Variants in RGS7 observed in about 807,000 individuals in gnomAD.
RGS7 encodes the protein regulator of G protein signaling 7.
In RGS7, 27 loss-of-function variants were observed where a neutral mutation model predicts 81.1. The ratio of observed to expected loss-of-function variants is 0.33; its 90% CI spans 0.25 to 0.46. The LOEUF (loss-of-function observed/expected upper bound fraction) is 0.46, where lower values mean the gene tolerates loss of function less well. Among genes scored for constraint, RGS7 ranks in the 20% least tolerant of loss-of-function variants. RGS7 has a pLI of 1.00. For synonymous variants in RGS7, 208 were observed against 207.7 expected (o/e 1.00, Z -0.01); for missense variants, 396 against 607.4 (o/e 0.65, Z 3.66).
chr1:241,023,737 T>C (rs562032575), intron 3 of RGS7, among the ~76,000 whole-genome samples: 44 of 152,170 alleles, frequency 2.9e-4, no homozygotes, highest in African/African-American at 1.1e-3. Flanking sequence ...GCTTTTCATA[T>C]TGATTGATTG....
At chr1:241,223,865 T>C (rs2075156119) in intron 2 of RGS7, among the ~76,000 whole-genome samples, 1 of 152,032 alleles carries the variant, frequency 6.6e-6, no homozygotes, top group Admixed American at 6.6e-5. Context: ...GCTATTATCA[T>C]GTAGGTGAGT....
intron 2 of RGS7, among the ~76,000 whole-genome samples, chr1:241,118,649 C>T (rs2066034346): frequency 6.6e-6 from 1 of 152,168 alleles, no homozygotes; most frequent in Admixed American, 6.5e-5. Context: ...CTTAAATGTT[C>T]ATCAACAGTT....
chr1:240,785,248 T>G (rs556356797), intron 18 of RGS7, among the ~76,000 whole-genome samples: 4 of 152,336 alleles, frequency 2.6e-5, no homozygotes, highest in African/African-American at 9.6e-5. Context: ...AAGTGGTTCT[T>G]TGGCTGGCCC....
At chr1:241,135,563 T>A (rs1265220276) in intron 2 of RGS7, among the ~76,000 whole-genome samples, 1 of 152,082 alleles carries the variant, frequency 6.6e-6, no homozygotes, top group African/African-American at 2.4e-5. Flanking sequence ...TTTTTGCAAC[T>A]CTTTTTTGAG....
intron 4 of RGS7, among the ~76,000 whole-genome samples, chr1:240,968,507 T>C (rs1442545758): frequency 6.6e-6 from 1 of 151,596 alleles, no homozygotes; most frequent in East Asian, 1.9e-4. Context: ...TCTGGATAAT[T>C]CAAGAGGCCC....
intron 2 of RGS7, among the ~76,000 whole-genome samples, chr1:241,312,238 C>CT (rs1279879984): frequency 6.6e-6 from 1 of 152,194 alleles, no homozygotes; most frequent in Non-Finnish European, 1.5e-5. Context: ...GTGAACAAAA[C>CT]ACAAAAAGGT....
At chr1:240,830,095 G>C (rs1282661211) in intron 9 of RGS7, among the ~76,000 whole-genome samples, 1 of 152,164 alleles carries the variant, frequency 6.6e-6, no homozygotes, top group East Asian at 1.9e-4. Context: ...TCCCATAGAA[G>C]AAGCCCCACA....
At chr1:241,005,720 G>A (rs1312754348) in intron 3 of RGS7, among the ~76,000 whole-genome samples, 1 of 152,032 alleles carries the variant, frequency 6.6e-6, no homozygotes, top group Non-Finnish European at 1.5e-5. Flanking sequence ...ATTTTTAGTA[G>A]AGATGGGGTT....
chr1:241,165,497 G>A (rs1003333758), intron 2 of RGS7, among the ~76,000 whole-genome samples: 2 of 151,836 alleles, frequency 1.3e-5, no homozygotes, highest in Non-Finnish European at 2.9e-5. Flanking sequence ...GGATGAAATT[G>A]GAAATCATCA....
At chr1:241,166,266 G>A (rs140279770) in intron 2 of RGS7, among the ~76,000 whole-genome samples, 3 of 152,280 alleles carry the variant, frequency 2.0e-5, no homozygotes, top group East Asian at 3.9e-4. Flanking sequence ...AGGGAGAAGC[G>A]GCACACAGCA....
chr1:241,298,560 T>C (rs2079555495), intron 2 of RGS7, among the ~76,000 whole-genome samples: 1 of 152,184 alleles, frequency 6.6e-6, no homozygotes, highest in African/African-American at 2.4e-5. Context: ...CTTCTACCAT[T>C]GCTTCATTGA....
At chr1:241,012,810 C>G (rs2059023132) in intron 3 of RGS7, among the ~76,000 whole-genome samples, 1 of 152,146 alleles carries the variant, frequency 6.6e-6, no homozygotes, top group Non-Finnish European at 1.5e-5. Context: ...TAAAAGGAGA[C>G]TAAAAGTCTG....
chr1:241,197,831 CA>C (rs55756508), intron 2 of RGS7, among the ~76,000 whole-genome samples: 27,428 of 112,938 alleles, frequency 0.24, 3,339 homozygotes, highest in African/African-American at 0.42. Context: ...GATAAAAGAC[CA>C]AAAAAAAAAA....
intron 3 of RGS7, among the ~76,000 whole-genome samples, chr1:241,071,930 G>A (rs1475940937): frequency 7.1e-6 from 1 of 141,282 alleles, no homozygotes; most frequent in Non-Finnish European, 1.5e-5. Context: ...TATACTATGT[G>A]ATAGTTGTTA....
chr1:240,921,387 C>T (rs1320566518), intron 6 of RGS7, among the ~76,000 whole-genome samples: 1 of 151,894 alleles, frequency 6.6e-6, no homozygotes, highest in African/African-American at 2.4e-5. Context: ...AGAATGTCCC[C>T]TCTCGCTACT....
chr1:241,195,103 A>G (rs1374367096), intron 2 of RGS7, among the ~76,000 whole-genome samples: 5 of 152,258 alleles, frequency 3.3e-5, no homozygotes, highest in African/African-American at 1.2e-4. Context: ...GGAGAAAAAC[A>G]TTCACTGAAG....
chr1:240,891,182 T>C (rs1043329736), intron 6 of RGS7, among the ~76,000 whole-genome samples: 1 of 144,204 alleles, frequency 6.9e-6, no homozygotes, highest in African/African-American at 2.5e-5. Context: ...GTAATTTAAT[T>C]ATTTTTTTCC....
intron 18 of RGS7, among the ~76,000 whole-genome samples, chr1:240,795,645 A>G (rs1308765002): frequency 6.6e-6 from 1 of 152,238 alleles, no homozygotes; most frequent in Non-Finnish European, 1.5e-5. Flanking sequence ...TAAATAAGCA[A>G]CAACCCAAAC....
chr1:241,189,427 A>G (rs964783040), intron 2 of RGS7, among the ~76,000 whole-genome samples: 1 of 152,174 alleles, frequency 6.6e-6, no homozygotes, highest in African/African-American at 2.4e-5. Flanking sequence ...GTCCTTTGTT[A>G]GATATGGGGT....
Sources: allele counts gnomAD v4.1 joint callset (sites outside exome capture counted in the v4.1 genomes callset), GRCh38; gene constraint gnomAD v4.1.1; transcripts MANE v1.5; gene names NCBI Gene and HGNC (gene_info 2026-07-23, HGNC 2026-07-21).